The following NXPE2 variants were observed in gnomAD, a reference collection of about 807,000 sequenced individuals.
NXPE2 encodes neurexophilin and PC-esterase domain family member 2, also known as NXPE family member 2.
NXPE2 carries 34 observed loss-of-function variants against 34.4 expected under a neutral mutation model. The ratio of observed to expected loss-of-function variants is 0.99; its 90% CI spans 0.75 to 1.31. The LOEUF is 1.31. Among genes scored for constraint, NXPE2 ranks in the 40% most tolerant of loss-of-function variants. NXPE2 has a pLI of 0.00. For synonymous variants in NXPE2, 235 were observed against 231.3 expected (o/e 1.02, Z -0.15); for missense variants, 649 against 672.5 (o/e 0.97, Z 0.39).
the NXPE2 span, among the ~76,000 whole-genome samples, chr11:114,618,790 G>A: frequency 2.6e-5 from 4 of 151,626 alleles, no homozygotes; most frequent in Non-Finnish European, 4.4e-5. Flanking sequence ...GTGTTGCCTC[G>A]TGGGAAACCA....
chr11:114,639,505 G>A, the NXPE2 span, among the ~76,000 whole-genome samples: 1 of 151,334 alleles, frequency 6.6e-6, no homozygotes, highest in African/African-American at 2.4e-5. Flanking sequence ...GCACTCCCTA[G>A]TGAGATGAAC....
At chr11:114,739,938 A>G in the NXPE2 span, among the ~76,000 whole-genome samples, 1 of 152,198 alleles carries the variant, frequency 6.6e-6, no homozygotes, top group East Asian at 1.9e-4. Flanking sequence ...AAGGCTGAAT[A>G]ATATTCCATT....
At chr11:114,543,948 T>A in the NXPE2 span, among the ~76,000 whole-genome samples, 8 of 152,168 alleles carry the variant, frequency 5.3e-5, no homozygotes, top group Admixed American at 2.6e-4. Context: ...AATGAACAAT[T>A]GGAATTTGAA....
At chr11:114,639,729 T>TAATATAAATTATATTA in the NXPE2 span, among the ~76,000 whole-genome samples, 1 of 123,494 alleles carries the variant, frequency 8.1e-6, no homozygotes, top group African/African-American at 3.0e-5. Context: ...TATAGTAATA[T>TAATATAAATTATATTA]AATATAAAAT....
At chr11:114,701,799 T>TA (rs1030664637) in intron 3 of NXPE2, among the ~76,000 whole-genome samples, 4 of 152,212 alleles carry the variant, frequency 2.6e-5, no homozygotes, top group African/African-American at 9.6e-5. Context: ...CAAATCCACT[T>TA]ATATTCAAAG....
chr11:114,680,296 G>A (rs1950927120), intron 2 of NXPE2, among the ~76,000 whole-genome samples: 1 of 152,058 alleles, frequency 6.6e-6, no homozygotes, highest in Non-Finnish European at 1.5e-5. Flanking sequence ...ACCACTGACA[G>A]TATAAAGAAC....
At chr11:114,529,180 G>A in the NXPE2 span, 1 of 192,266 alleles carries the variant, frequency 5.2e-6, no homozygotes, top group Non-Finnish European at 1.1e-5. Flanking sequence ...TCACCAAGCT[G>A]AGGAAAAATA....
chr11:114,514,633 C>T, the NXPE2 span, among the ~76,000 whole-genome samples: 1 of 152,128 alleles, frequency 6.6e-6, no homozygotes, highest in Non-Finnish European at 1.5e-5. Flanking sequence ...AAGTGATCCT[C>T]CCACCTCAGT....
the NXPE2 span, among the ~76,000 whole-genome samples, chr11:114,617,862 C>A: frequency 6.6e-6 from 1 of 152,058 alleles, no homozygotes; most frequent in East Asian, 1.9e-4. Context: ...ATAAGTATTG[C>A]CTCATGGGTA....
At chr11:114,515,552 T>G in the NXPE2 span, among the ~76,000 whole-genome samples, 5 of 151,942 alleles carry the variant, frequency 3.3e-5, no homozygotes, top group Admixed American at 6.6e-5. Context: ...AGGGCCCTGG[T>G]TGGGAAGAAA....
chr11:114,630,467 C>T, the NXPE2 span, among the ~76,000 whole-genome samples: 1 of 151,610 alleles, frequency 6.6e-6, no homozygotes, highest in African/African-American at 2.4e-5. Context: ...ACTGGCTAGC[C>T]ATATGTAGAA....
At chr11:114,640,777 A>T in the NXPE2 span, among the ~76,000 whole-genome samples, 1 of 151,906 alleles carries the variant, frequency 6.6e-6, no homozygotes, top group Non-Finnish European at 1.5e-5. Context: ...GTGTCCATGT[A>T]ATTTACTCAC....
the NXPE2 span, among the ~76,000 whole-genome samples, chr11:114,812,265 T>C: frequency 6.6e-6 from 1 of 152,194 alleles, no homozygotes; most frequent in Non-Finnish European, 1.5e-5. Context: ...GGCCTGACAG[T>C]AGCTTAGCCA....
the NXPE2 span, chr11:114,528,874 AT>A: frequency 1.6e-6 from 1 of 632,036 alleles, no homozygotes. Flanking sequence ...CCTTACTAGG[AT>A]TTAGGCATAA....
chr11:114,552,725 G>T, the NXPE2 span: 1 of 187,058 alleles, frequency 5.3e-6, no homozygotes. Flanking sequence ...AGAAAGTAGT[G>T]CGTATGGATA....
chr11:114,719,790 G>A, the NXPE2 span, among the ~76,000 whole-genome samples: 30 of 152,186 alleles, frequency 2.0e-4, no homozygotes, highest in African/African-American at 6.3e-4. Context: ...AGGTGAGTGG[G>A]CCCTGAGCGG....
chr11:114,725,209 A>T, the NXPE2 span, among the ~76,000 whole-genome samples: 1 of 152,146 alleles, frequency 6.6e-6, no homozygotes, highest in Non-Finnish European at 1.5e-5. Flanking sequence ...CATTTATATC[A>T]GTTGTTTCCT....
At chr11:114,629,921 A>T in the NXPE2 span, among the ~76,000 whole-genome samples, 3 of 150,698 alleles carry the variant, frequency 2.0e-5, no homozygotes, top group African/African-American at 7.3e-5. Context: ...CCCATTCACA[A>T]TTGCTTCAAA....
chr11:114,542,217 A>C, the NXPE2 span, among the ~76,000 whole-genome samples: 1 of 152,148 alleles, frequency 6.6e-6, no homozygotes, highest in Admixed American at 6.5e-5. Flanking sequence ...ATTTTGTCAA[A>C]ATTTGTAGAG....
Sources: allele counts gnomAD v4.1 joint callset (sites outside exome capture counted in the v4.1 genomes callset), GRCh38; gene constraint gnomAD v4.1.1; transcripts MANE v1.5; gene names NCBI Gene and HGNC (gene_info 2026-07-23, HGNC 2026-07-21).